PTPRZ1: variants seen among roughly 807,000 people sequenced by gnomAD.
PTPRZ1 encodes receptor-type tyrosine-protein phosphatase zeta.
A neutral mutation model predicts 214.1 loss-of-function variants in PTPRZ1; 82 were observed. That is an observed-to-expected ratio of 0.38 (90% CI 0.32 to 0.46). The LOEUF (loss-of-function observed/expected upper bound fraction) is 0.46, where lower values mean the gene tolerates loss of function less well. PTPRZ1 is among the 20% of genes least tolerant of loss of function. PTPRZ1 has a pLI of 1.00. For missense variants in PTPRZ1, 2,603 were observed against 2,748.7 expected (o/e 0.95, Z 1.19); for synonymous variants, 945 against 987.9 (o/e 0.96, Z 0.81).
At chr7:121,894,661 C>T (rs559562852) in intron 1 of PTPRZ1, among the ~76,000 whole-genome samples, 2 of 152,314 alleles carry the variant, frequency 1.3e-5, no homozygotes, top group East Asian at 3.9e-4. Context: ...CCACTTGGGC[C>T]TCCCAAAATG....
At chr7:121,949,429 A>G (rs980844359) in intron 2 of PTPRZ1, among the ~76,000 whole-genome samples, 3 of 152,232 alleles carry the variant, frequency 2.0e-5, no homozygotes, top group Non-Finnish European at 2.9e-5. Flanking sequence ...TTATAATGAT[A>G]AAGTTGAAGG....
chr7:121,978,056 G>A lies in PTPRZ1; in HGVS notation c.619+1205G>A, dbSNP rs539206897. Among the ~76,000 whole-genome samples the A allele has an allele frequency of 9.0e-4, 137 of 152,044 alleles. No individual in the cohort carries two copies. The Middle Eastern group carries it at 0.017, about 19-fold the overall frequency. ...TTTCCCAGGTACTTTACTTTTTGGG[G>A]GTGCCTTGGAAGGCACTCATACGAG... On this transcript the variant is annotated intron_variant, in intron 6 of 29. Coordinates refer to ENST00000393386, the MANE Select transcript of PTPRZ1 (RefSeq NM_002851.3).
intron 2 of PTPRZ1, 32 bp from the exon 3 acceptor site, chr7:121,967,919 A>G (rs759470961): frequency 2.1e-6 from 3 of 1,459,448 alleles, no homozygotes; most frequent in Admixed American, 2.2e-5. Context: ...GTAATTTAAG[A>G]AACTAAATTT....
intron 3 of PTPRZ1, among the ~76,000 whole-genome samples, chr7:121,972,127 A>G (rs1797267540): frequency 6.6e-6 from 1 of 152,156 alleles, no homozygotes; most frequent in South Asian, 2.1e-4. Flanking sequence ...TGGGCTGAAA[A>G]TAGGAAGGTG....
chr7:121,894,083 A>C (rs1794717339), intron 1 of PTPRZ1, among the ~76,000 whole-genome samples: 1 of 151,992 alleles, frequency 6.6e-6, no homozygotes, highest in African/African-American at 2.4e-5. Flanking sequence ...TTTAGAAAAA[A>C]TTTTTCGAAG....
intron 15 of PTPRZ1, among the ~76,000 whole-genome samples, chr7:122,032,620 CT>C (rs1799416019): frequency 6.6e-6 from 1 of 152,184 alleles, no homozygotes; most frequent in South Asian, 2.1e-4. Context: ...TCTTTCCCCA[CT>C]GCACCCAGCA....
At position 121,873,492 on chromosome 7, in the gene PTPRZ1, G is replaced by T. The variant is rs752295575; in HGVS notation, c.-8G>T. On this transcript the variant is annotated 5_prime_UTR_variant, in exon 1 of 30. Transcript: ENST00000393386. ...GCCGCACGGCGAGGGGCCGCAGACCGTCTGGAAATGCGAATCCTAAAGCGT... is the reference window on the plus strand; with the variant it reads ...GCCGCACGGCGAGGGGCCGCAGACCTTCTGGAAATGCGAATCCTAAAGCGT... The T allele has an allele frequency of 6.2e-7, 1 of 1,613,844 alleles. No homozygotes were observed. Among genetic ancestry groups the T allele is most frequent in the African/African-American group, 1.3e-5 (1 of 75,058 alleles).
intron 2 of PTPRZ1, among the ~76,000 whole-genome samples, chr7:121,930,497 G>A (rs914742586): frequency 1.1e-4 from 16 of 151,900 alleles, no homozygotes; most frequent in Non-Finnish European, 1.8e-4. Context: ...GGACCAAAGG[G>A]CCTACCTATT....
At chr7:122,033,116 G>C (rs1584761859) in intron 15 of PTPRZ1, among the ~76,000 whole-genome samples, 1 of 151,782 alleles carries the variant, frequency 6.6e-6, no homozygotes, top group African/African-American at 2.4e-5. Context: ...ATAACTTCAT[G>C]TTTTCACTTT....
chr7:121,921,961 T>C (rs1323860524), intron 1 of PTPRZ1, among the ~76,000 whole-genome samples: 1 of 152,202 alleles, frequency 6.6e-6, no homozygotes, highest in Non-Finnish European at 1.5e-5. Flanking sequence ...AAAGTTTAAA[T>C]TCCAGATGGG....
chr7:122,061,983 T>G lies in PTPRZ1; in HGVS notation c.*763T>G, dbSNP rs138849490. The G allele has an allele frequency of 7.2e-5, 11 of 152,750 alleles. No homozygotes were observed. The East Asian group carries it at 2.1e-3, about 29-fold the overall frequency. 9.5% of individuals were successfully genotyped at this position (152,750 alleles called of 1,614,324 possible). A position where few individuals can be genotyped will look rare whatever the true frequency, so the allele number is the denominator to read the frequency against. ...AGAATAACACCTTACCAAACATTGTTCAAATGGTTTTTATCCAAGGAATTG... is the reference window on the plus strand; with the variant it reads ...AGAATAACACCTTACCAAACATTGTGCAAATGGTTTTTATCCAAGGAATTG... On this transcript the variant is annotated 3_prime_UTR_variant, in exon 30 of 30. Transcript: ENST00000393386.
chr7:121,918,857 T>A (rs908515222), intron 1 of PTPRZ1, among the ~76,000 whole-genome samples: 2 of 145,010 alleles, frequency 1.4e-5, no homozygotes, highest in Non-Finnish European at 3.0e-5. Context: ...TCAAAAAAAA[T>A]CAATAAATAT....
At chr7:121,978,482 A>G (rs1483098046) in intron 6 of PTPRZ1, among the ~76,000 whole-genome samples, 3 of 152,218 alleles carry the variant, frequency 2.0e-5, no homozygotes, top group Non-Finnish European at 2.9e-5. Flanking sequence ...ACATGGCAGC[A>G]TGAGAGAGAG....
intron 15 of PTPRZ1, among the ~76,000 whole-genome samples, chr7:122,032,800 C>T (rs186769162): frequency 1.2e-4 from 18 of 152,140 alleles, no homozygotes; most frequent in African/African-American, 4.1e-4. Context: ...ATCATAGCTA[C>T]ATTGAATAAG....
intron 2 of PTPRZ1, among the ~76,000 whole-genome samples, chr7:121,965,514 C>T (rs1391997074): frequency 6.6e-6 from 1 of 152,150 alleles, no homozygotes; most frequent in Non-Finnish European, 1.5e-5. Flanking sequence ...CCAAAACTAG[C>T]AAGGAAATCT....
At chr7:122,040,758 G>GTA (rs1258368417) in intron 20 of PTPRZ1, 58 bp from the exon 21 acceptor site, 1 of 869,726 alleles carries the variant, frequency 1.1e-6, no homozygotes, top group Non-Finnish European at 1.7e-6. Flanking sequence ...GTGTGTGTGT[G>GTA]TGTGTGTGTG....
At position 121,996,392 on chromosome 7, in the gene PTPRZ1, A is replaced by C; in HGVS notation, c.939A>C (p.Ser313=). 1 of 1,604,234 alleles carries C rather than the reference A, an allele frequency of 6.2e-7. No individual in the cohort carries two copies. Among genetic ancestry groups the C allele is most frequent in the East Asian group, 2.2e-5 (1 of 44,642 alleles). ...TTTTTCTCTCTGAAGTTTGTAGTTC[A>C]GAACCAGAAAATGTTCAGGCTGACC... ...KEEIHEAVCS[S]EPENVQADPE... is the part of the protein sequence containing the mutation. The change falls in exon 9 of 30, where the codon TCA becomes TCC. Residue 313 remains serine (S), a synonymous_variant. Transcript: ENST00000393386.
intron 22 of PTPRZ1, among the ~76,000 whole-genome samples, chr7:122,043,358 C>T (rs1799788487): frequency 6.6e-6 from 1 of 152,084 alleles, no homozygotes; most frequent in African/African-American, 2.4e-5. Context: ...CACATCCTTG[C>T]TAGCAAAAAT....
At chr7:121,987,175 T>G (rs766803676) in intron 8 of PTPRZ1, among the ~76,000 whole-genome samples, 1 of 152,236 alleles carries the variant, frequency 6.6e-6, no homozygotes, top group Non-Finnish European at 1.5e-5. Context: ...ACATCTCTTC[T>G]GCAGTCTCCC....
Sources: gnomAD v4.1 joint callset for allele counts (sites outside exome capture counted in the v4.1 genomes callset) on GRCh38, gnomAD v4.1.1 for gene constraint, MANE v1.5 for transcripts, NCBI Gene and HGNC (gene_info 2026-07-23, HGNC 2026-07-21) for gene names.